Variants in UBE2R2 observed in about 807,000 individuals in gnomAD.
UBE2R2 encodes the protein ubiquitin conjugating enzyme E2 R2, also known as ubiquitin-conjugating enzyme E2 R2.
Under a neutral mutation model 27.8 loss-of-function variants are expected in UBE2R2, and 1 was observed. The ratio of observed to expected loss-of-function variants is 0.04; its 90% confidence interval spans 0.01 to 0.17. UBE2R2 has a LOEUF of 0.17. UBE2R2 is among the 10% of genes least tolerant of loss of function. UBE2R2 has a pLI of 1.00. For missense variants in UBE2R2, 100 were observed against 291.0 expected, an observed-to-expected ratio of 0.34 and a Z score of 4.78; for synonymous variants, 106 against 113.3, an observed-to-expected ratio of 0.94 and a Z score of 0.41.
Position 33,917,172 on chromosome 9 carries a change from G to A in UBE2R2, c.652G>A (p.Glu218Lys). Residue 218 changes from glutamate to lysine, a missense_variant, in exon 5 of 5, where the codon GAA (glutamate) becomes AAA (lysine). Glu to Lys is a moderately conservative substitution (Grantham distance 56). Around this residue, in one of 3 missense-constraint regions of UBE2R2, gnomAD observed 55 missense variants for 122.6 expected, o/e 0.45. Coordinates refer to ENST00000263228, the MANE Select transcript of UBE2R2 (RefSeq NM_017811.4). ...CTTGTATGATGACGACATTGATGAT[G>A]AAGATGAGGAGGAGGAAGATGCCGA... The part of the protein sequence containing the change: ...DDLYDDDIDD[E>K]DEEEEDADCY... The A allele has an allele frequency of 6.2e-7, 1 of 1,614,210 alleles. No individual in the cohort carries two copies. Among genetic ancestry groups the A allele is most frequent in the Non-Finnish European group, 8.5e-7 (1 of 1,180,030 alleles).
At chr9:33,861,076 A>G (rs1821224198) in intron 1 of UBE2R2, among the ~76,000 whole-genome samples, 1 of 150,934 alleles carries the variant, frequency 6.6e-6, no homozygotes, top group African/African-American at 2.4e-5. Context: ...CTCCTGCCTC[A>G]GCCTCCAGAG....
intron 1 of UBE2R2, among the ~76,000 whole-genome samples, chr9:33,870,855 T>C (rs1478664253): frequency 6.6e-6 from 1 of 152,236 alleles, no homozygotes; most frequent in African/African-American, 2.4e-5. Context: ...TTCCTCAATA[T>C]AGAAAACTGA....
intron 2 of UBE2R2, among the ~76,000 whole-genome samples, chr9:33,897,635 CA>C (rs1239476144): frequency 6.6e-6 from 1 of 151,750 alleles, no homozygotes; most frequent in Non-Finnish European, 1.5e-5. Flanking sequence ...CTCATTTCTA[CA>C]TTTCCCATAG....
intron 1 of UBE2R2, among the ~76,000 whole-genome samples, chr9:33,855,075 A>G (rs1821072122): frequency 6.6e-6 from 1 of 152,082 alleles, no homozygotes; most frequent in South Asian, 2.1e-4. Context: ...GCATTCTCTC[A>G]TTTGTTACTT....
intron 1 of UBE2R2, among the ~76,000 whole-genome samples, chr9:33,862,883 G>A (rs1821271684): frequency 6.6e-6 from 1 of 151,972 alleles, no homozygotes; most frequent in Non-Finnish European, 1.5e-5. Flanking sequence ...CTTTCTTTAA[G>A]GTTTTTAATC....
At chr9:33,884,438 C>T (rs1469308413) in intron 1 of UBE2R2, among the ~76,000 whole-genome samples, 3 of 151,506 alleles carry the variant, frequency 2.0e-5, no homozygotes, top group Non-Finnish European at 4.4e-5. Flanking sequence ...CACCACCATA[C>T]CCGACTGATT....
intron 1 of UBE2R2, among the ~76,000 whole-genome samples, chr9:33,878,065 A>C (rs187002610): frequency 9.9e-5 from 15 of 152,130 alleles, no homozygotes; most frequent in Non-Finnish European, 7.4e-5. Context: ...CCACCTATTT[A>C]TATTTTTATA....
chr9:33,851,529 G>C lies in UBE2R2; in HGVS notation c.177+33595G>C, dbSNP rs73488973. ...TGACCTTTATAGTTTCGGCAGTACA[G>C]GTCACTTACTTTGTGGAATCTCCTT... On this transcript the variant is annotated intron_variant, in intron 1 of 4. Transcript: ENST00000263228. Among the ~76,000 whole-genome samples the C allele has an allele frequency of 8.6e-3, 1,307 of 152,228 alleles. 18 individuals carry two copies. Among genetic ancestry groups the C allele is most frequent in the African/African-American group, 0.029 (1,221 of 41,534 alleles).
intron 1 of UBE2R2, among the ~76,000 whole-genome samples, chr9:33,864,314 G>A (rs1353539314): frequency 6.6e-6 from 1 of 152,020 alleles, no homozygotes; most frequent in Non-Finnish European, 1.5e-5. Context: ...AGTTACCCAG[G>A]ATGTCTTATC....
chr9:33,837,648 C>T (rs1023636729), intron 1 of UBE2R2, among the ~76,000 whole-genome samples: 2 of 151,800 alleles, frequency 1.3e-5, no homozygotes, highest in African/African-American at 4.8e-5. Context: ...TGTTCTTGAA[C>T]TCCTGAGCTC....
At chr9:33,896,662 ATGGTCT>A (rs1406993383) in intron 2 of UBE2R2, among the ~76,000 whole-genome samples, 1 of 148,804 alleles carries the variant, frequency 6.7e-6, no homozygotes, top group Non-Finnish European at 1.5e-5. Flanking sequence ...GTTAGCCAGG[ATGGTCT>A]TGATCTCCTG....
Position 33,897,732 on chromosome 9 carries a change from C to T in UBE2R2, c.265-2442C>T, listed in dbSNP as rs565622963. Among the ~76,000 whole-genome samples, 15 of 151,976 alleles carry T rather than the reference C, an allele frequency of 9.9e-5. No homozygotes were observed. The South Asian group carries it at 1.7e-3, about 17-fold the overall frequency. ...CTTTTATCTTCCACCCCACCTCCCA[C>T]GCATTCACTGCCCAAATATACCAAG... is the stretch of plus-strand genomic sequence containing the variant. On this transcript the variant is annotated intron_variant, in intron 2 of 4. Coordinates refer to ENST00000263228, the MANE Select transcript of UBE2R2 (RefSeq NM_017811.4).
chr9:33,891,094 G>A (rs1436168594), intron 2 of UBE2R2, among the ~76,000 whole-genome samples: 1 of 131,720 alleles, frequency 7.6e-6, no homozygotes, highest in Non-Finnish European at 1.6e-5. Context: ...CTGTCACCCA[G>A]GCTAGAGTGC....
At chr9:33,858,986 C>T (rs1164422027) in intron 1 of UBE2R2, among the ~76,000 whole-genome samples, 2 of 151,812 alleles carry the variant, frequency 1.3e-5, no homozygotes, top group African/African-American at 2.4e-5. Flanking sequence ...CCACCACACC[C>T]GGCTAATTTT....
At chr9:33,817,134 C>T (rs1205570322), upstream of UBE2R2, among the ~76,000 whole-genome samples, 3 of 151,508 alleles carry the variant, frequency 2.0e-5, no homozygotes, top group East Asian at 4.0e-4. Flanking sequence ...CCCCTCCTCC[C>T]TCTCTCCCTC....
At chr9:33,908,167 C>T (rs1822403409) in intron 3 of UBE2R2, among the ~76,000 whole-genome samples, 1 of 152,196 alleles carries the variant, frequency 6.6e-6, no homozygotes, top group East Asian at 1.9e-4. Context: ...TGTATTCCAA[C>T]AGTATTATCT....
In UBE2R2 at chr9:33,902,096, T is replaced by C. The variant is rs996151090; in HGVS notation, c.362+1825T>C. The stretch of plus-strand genomic sequence containing the variant: ...GTCTGCTCAAGATTTTGTATTTTTT[T>C]TGTAGAGAGATGGGGTTTTGCTTTG... On this transcript the variant is annotated intron_variant, in intron 3 of 4. Transcript: ENST00000263228. 9.2e-5 allele frequency among the ~76,000 whole-genome samples: 14 copies of C among 152,122 alleles called. No homozygotes were observed. The East Asian group carries it at 2.7e-3, about 29-fold the overall frequency.
intron 1 of UBE2R2, among the ~76,000 whole-genome samples, chr9:33,851,491 TC>T (rs1388010480): frequency 3.3e-5 from 5 of 152,216 alleles, no homozygotes; most frequent in African/African-American, 1.2e-4. Context: ...CTTAGTCATG[TC>T]CTAGACTTTC....
At chr9:33,827,649 A>AAATT (rs1000150032) in intron 1 of UBE2R2, among the ~76,000 whole-genome samples, 1 of 151,838 alleles carries the variant, frequency 6.6e-6, no homozygotes, top group South Asian at 2.1e-4. Flanking sequence ...CTAAAAAAAA[A>AAATT]AATTAATTAA....
Sources: gnomAD v4.1 joint callset for allele counts (sites outside exome capture counted in the v4.1 genomes callset) on GRCh38, gnomAD v4.1.1 for gene constraint, gnomAD v4.1.1 regional missense constraint, MANE v1.5 for transcripts, NCBI Gene and HGNC (gene_info 2026-07-23, HGNC 2026-07-21) for gene names.